KCNQ5: variants seen among roughly 807,000 people sequenced by gnomAD.
KCNQ5 encodes the protein potassium voltage-gated channel subfamily Q member 5, also known as potassium voltage-gated channel subfamily KQT member 5.
Under a neutral mutation model 98.2 loss-of-function variants are expected in KCNQ5, and 30 were observed. That is an observed-to-expected ratio of 0.31 (90% CI 0.23 to 0.41). The LOEUF is 0.41. Among genes scored for constraint, KCNQ5 ranks in the 10% least tolerant of loss-of-function variants. The probability of loss-of-function intolerance (pLI) is 1.00; values close to 1 mark genes in which losing one functional copy is unlikely to be tolerated. For synonymous variants in KCNQ5, 458 were observed against 449.4 expected, an observed-to-expected ratio of 1.02 and a Z score of -0.24; for missense variants, 835 against 1,182.5, an observed-to-expected ratio of 0.71 and a Z score of 4.31.
intron 11 of KCNQ5, among the ~76,000 whole-genome samples, chr6:73,182,602 C>T (rs1293814922): frequency 1.3e-5 from 2 of 152,184 alleles, no homozygotes; most frequent in African/African-American, 4.8e-5. Flanking sequence ...AATTGAAAGA[C>T]CTTTTGAATT....
At chr6:73,104,370 TAC>T (rs1418589535) in intron 5 of KCNQ5, among the ~76,000 whole-genome samples, 21 of 152,138 alleles carry the variant, frequency 1.4e-4, no homozygotes, top group African/African-American at 4.8e-4. Flanking sequence ...AAAATTAAAA[TAC>T]TTAGGAATAA....
chr6:73,034,518 A>G (rs1464519144), intron 2 of KCNQ5, among the ~76,000 whole-genome samples: 1 of 152,264 alleles, frequency 6.6e-6, no homozygotes, highest in African/African-American at 2.4e-5. Context: ...GACAAAGGTC[A>G]CTGTGTTTTA....
chr6:73,065,096 C>T (rs1562157390), intron 3 of KCNQ5, among the ~76,000 whole-genome samples: 1 of 150,954 alleles, frequency 6.6e-6, no homozygotes, highest in Admixed American at 6.6e-5. Context: ...CCTGACCTTT[C>T]CCCCAGACTC....
At chr6:72,747,990 G>A (rs979221164) in intron 1 of KCNQ5, among the ~76,000 whole-genome samples, 10 of 152,050 alleles carry the variant, frequency 6.6e-5, no homozygotes, top group Non-Finnish European at 5.9e-5. Flanking sequence ...AAAATCCTAC[G>A]TCAGAAAATC....
At chr6:72,789,436 G>A (rs968937667) in intron 1 of KCNQ5, among the ~76,000 whole-genome samples, 1 of 152,200 alleles carries the variant, frequency 6.6e-6, no homozygotes, top group Admixed American at 6.5e-5. Flanking sequence ...CCTCAGACCA[G>A]TGTTTCAGGC....
intron 1 of KCNQ5, among the ~76,000 whole-genome samples, chr6:72,666,823 T>C (rs1766842587): frequency 6.6e-6 from 1 of 152,174 alleles, no homozygotes. Context: ...AGAAACTTAT[T>C]AAGTATATTC....
At chr6:73,116,293 C>T (rs1370612493) in intron 7 of KCNQ5, among the ~76,000 whole-genome samples, 1 of 152,018 alleles carries the variant, frequency 6.6e-6, no homozygotes, top group African/African-American at 2.4e-5. Flanking sequence ...ATATCATTAT[C>T]GTTCAGGATA....
intron 1 of KCNQ5, among the ~76,000 whole-genome samples, chr6:72,825,754 G>A (rs796707138): frequency 3.4e-4 from 51 of 152,148 alleles, no homozygotes; most frequent in African/African-American, 1.2e-3. Flanking sequence ...TTGTTAGTCA[G>A]TCCTGTTTGT....
intron 1 of KCNQ5, among the ~76,000 whole-genome samples, chr6:72,667,527 G>T (rs1159772534): frequency 1.3e-5 from 2 of 152,146 alleles, no homozygotes; most frequent in Non-Finnish European, 2.9e-5. Context: ...GTGGATAAGA[G>T]ATGAAGGAGA....
At chr6:72,633,297 G>A (rs554361937) in intron 1 of KCNQ5, among the ~76,000 whole-genome samples, 1 of 152,108 alleles carries the variant, frequency 6.6e-6, no homozygotes, top group South Asian at 2.1e-4. Context: ...TTGTTGATTT[G>A]TTTAAGTTCA....
intron 1 of KCNQ5, among the ~76,000 whole-genome samples, chr6:72,812,095 A>G (rs1285828094): frequency 6.6e-6 from 1 of 152,142 alleles, no homozygotes; most frequent in African/African-American, 2.4e-5. Flanking sequence ...ATGCATTACA[A>G]TTAGCTTATA....
intron 1 of KCNQ5, among the ~76,000 whole-genome samples, chr6:72,931,933 A>T (rs1056805747): frequency 2.0e-5 from 3 of 152,168 alleles, no homozygotes; most frequent in Admixed American, 2.0e-4. Flanking sequence ...AATACATTAC[A>T]GGTAAGCTCT....
chr6:73,191,614 A>G (rs1279515292), intron 12 of KCNQ5, among the ~76,000 whole-genome samples: 2 of 152,194 alleles, frequency 1.3e-5, no homozygotes, highest in Admixed American at 6.5e-5. Flanking sequence ...AGTGTGAGGC[A>G]TATAATGGGC....
At chr6:72,866,252 C>CTTTT (rs34839143) in intron 1 of KCNQ5, among the ~76,000 whole-genome samples, 4 of 113,768 alleles carry the variant, frequency 3.5e-5, no homozygotes, top group Admixed American at 1.9e-4. Flanking sequence ...CGCCATCTCC[C>CTTTT]TTTTTTTTTT....
chr6:72,630,674 T>C (rs1254212813), intron 1 of KCNQ5: 2 of 152,242 alleles, frequency 1.3e-5, no homozygotes, highest in East Asian at 1.9e-4. Context: ...CAAGGTGTTA[T>C]ATGTATAGTA....
At chr6:72,655,034 TTC>T (rs1332058976) in intron 1 of KCNQ5, among the ~76,000 whole-genome samples, 15 of 87,644 alleles carry the variant, frequency 1.7e-4, no homozygotes, top group African/African-American at 6.6e-4. Context: ...CTGTCTTTCT[TTC>T]TTTCTTTCTT....
chr6:73,095,739 C>G (rs1257778683), intron 5 of KCNQ5, among the ~76,000 whole-genome samples: 1 of 152,154 alleles, frequency 6.6e-6, no homozygotes, highest in African/African-American at 2.4e-5. Flanking sequence ...CGGGCTGGCA[C>G]TGGGGATTGT....
intron 2 of KCNQ5, among the ~76,000 whole-genome samples, 170 bp from the exon 3 acceptor site, chr6:73,041,766 A>G (rs970456052): frequency 6.6e-6 from 1 of 152,210 alleles, no homozygotes; most frequent in Non-Finnish European, 1.5e-5. Context: ...TGAGGTTCAA[A>G]TGCTGTCCAG....
intron 11 of KCNQ5, among the ~76,000 whole-genome samples, chr6:73,170,413 T>A (rs1777961518): frequency 7.4e-6 from 1 of 135,904 alleles, no homozygotes; most frequent in African/African-American, 2.7e-5. Context: ...TTCCATGACC[T>A]TTCCCACCAC....
Sources: gnomAD v4.1 joint callset for allele counts (sites outside exome capture counted in the v4.1 genomes callset) on GRCh38, gnomAD v4.1.1 for gene constraint, MANE v1.5 for transcripts, NCBI Gene and HGNC (gene_info 2026-07-23, HGNC 2026-07-21) for gene names.